The following MYRIP variants were observed in gnomAD, a reference collection of about 807,000 sequenced individuals.
The protein encoded by MYRIP is rab effector MyRIP.
In MYRIP, 49 loss-of-function variants were observed where a neutral mutation model predicts 98.0. That is an observed-to-expected ratio of 0.50 (90% CI 0.40 to 0.63). The LOEUF is 0.63. Ranked by LOEUF, MYRIP falls within the 30% of genes least tolerant of loss-of-function variation. The pLI is 0.00. For synonymous variants in MYRIP, 404 were observed against 409.5 expected (o/e 0.99, Z 0.16); for missense variants, 1,004 against 1,058.2 (o/e 0.95, Z 0.71).
intron 2 of MYRIP, among the ~76,000 whole-genome samples, chr3:40,013,837 A>G (rs551692761): frequency 6.6e-6 from 1 of 152,248 alleles, no homozygotes; most frequent in Non-Finnish European, 1.5e-5. Context: ...CAGCTCAGGC[A>G]TATCTGAGAG....
chr3:39,990,243 C>T (rs1414057142), intron 2 of MYRIP, among the ~76,000 whole-genome samples: 1 of 152,152 alleles, frequency 6.6e-6, no homozygotes, highest in Non-Finnish European at 1.5e-5. Context: ...GGGGAGTGGA[C>T]TCCTCTGCCC....
intron 1 of MYRIP, among the ~76,000 whole-genome samples, chr3:39,828,696 C>T (rs1031486543): frequency 6.6e-6 from 1 of 152,176 alleles, no homozygotes; most frequent in Admixed American, 6.6e-5. Flanking sequence ...ATCCTCATAG[C>T]TTAGCTCCCA....
At chr3:40,246,258 A>C (rs1953200513) in intron 13 of MYRIP, among the ~76,000 whole-genome samples, 1 of 152,048 alleles carries the variant, frequency 6.6e-6, no homozygotes, top group Non-Finnish European at 1.5e-5. Context: ...CACTTTTTCC[A>C]AACAGGATTT....
intron 3 of MYRIP, among the ~76,000 whole-genome samples, chr3:40,076,159 G>T (rs868742994): frequency 1.3e-5 from 2 of 152,296 alleles, no homozygotes; most frequent in Non-Finnish European, 1.5e-5. Context: ...AGCTGTGATT[G>T]CACTATTGCT....
At chr3:40,006,015 T>C (rs1400392535) in intron 2 of MYRIP, among the ~76,000 whole-genome samples, 2 of 152,096 alleles carry the variant, frequency 1.3e-5, no homozygotes, top group Non-Finnish European at 2.9e-5. Flanking sequence ...GAGTTAATAT[T>C]GGTACAAGGA....
chr3:40,072,457 T>C (rs976630762), intron 3 of MYRIP, among the ~76,000 whole-genome samples: 2 of 152,170 alleles, frequency 1.3e-5, no homozygotes, highest in Admixed American at 6.5e-5. Flanking sequence ...TCCAACCACA[T>C]TGGCCTCCTA....
At chr3:40,051,666 G>C (rs1347956758) in intron 3 of MYRIP, among the ~76,000 whole-genome samples, 2 of 152,068 alleles carry the variant, frequency 1.3e-5, no homozygotes, top group Non-Finnish European at 2.9e-5. Flanking sequence ...CAGTGAATGG[G>C]AGAAAAATTA....
At chr3:39,891,341 T>A (rs1943481546) in intron 1 of MYRIP, among the ~76,000 whole-genome samples, 3 of 152,132 alleles carry the variant, frequency 2.0e-5, no homozygotes, top group African/African-American at 7.2e-5. Flanking sequence ...GCTCAGATTT[T>A]TTTTTCTTTT....
At chr3:40,204,911 T>C (rs1212441355) in intron 10 of MYRIP, among the ~76,000 whole-genome samples, 1 of 152,148 alleles carries the variant, frequency 6.6e-6, no homozygotes, top group Non-Finnish European at 1.5e-5. Context: ...CCTGCTCCAA[T>C]AGAAGCCAGC....
chr3:40,022,007 G>C (rs1947010447), intron 2 of MYRIP, among the ~76,000 whole-genome samples: 1 of 152,234 alleles, frequency 6.6e-6, no homozygotes, highest in African/African-American at 2.4e-5. Context: ...AGATGCAAAG[G>C]AAGAATTGAT....
rs541236707 is a variant in MYRIP at position 40,247,314 on chromosome 3, A to G, written c.2262+2707A>G. 1.3e-4 allele frequency among the ~76,000 whole-genome samples: 20 copies of G among 152,290 alleles called. No homozygotes were observed. In the South Asian group the frequency reaches 3.9e-3, roughly 30 times the overall value. ...TTTAAATATTACAATAATGTTATCA[A>G]TAATTCCCAATGTTCTGTGAGCGTT... On this transcript the variant is annotated intron_variant, in intron 13 of 16. Coordinates refer to ENST00000302541, the MANE Select transcript of MYRIP (RefSeq NM_015460.4).
rs148022540 is a variant in MYRIP, at chr3:40,038,450, G to A, written c.111-5600G>A. ...GGACTAATAAACCATGTAGACAACC[G>A]TCAACCTAACTAAAAGCTAGTTATT... On this transcript the variant is annotated intron_variant, in intron 2 of 16. Transcript: ENST00000302541. Among the ~76,000 whole-genome samples the A allele has an allele frequency of 1.0e-3, 159 of 152,146 alleles. 1 individual carries two copies. Among genetic ancestry groups the A allele is most frequent in the African/African-American group, 3.5e-3 (146 of 41,538 alleles).
intron 2 of MYRIP, among the ~76,000 whole-genome samples, chr3:40,035,265 A>G (rs1947353301): frequency 6.6e-6 from 1 of 151,810 alleles, no homozygotes; most frequent in Non-Finnish European, 1.5e-5. Flanking sequence ...AGAAATCAAA[A>G]CCGCAAAACC....
chr3:40,022,610 G>T lies in MYRIP; in HGVS notation c.111-21440G>T, dbSNP rs1411058153. Among the ~76,000 whole-genome samples the T allele has an allele frequency of 4.6e-5, 7 of 152,256 alleles. No individual in the cohort carries two copies. The East Asian group carries it at 1.4e-3, about 29-fold the overall frequency. On this transcript the variant is annotated intron_variant, in intron 2 of 16. Coordinates refer to ENST00000302541, the MANE Select transcript of MYRIP (RefSeq NM_015460.4). ...CTGCTCTGGTCATTGAAGGCAGCTT[G>T]GAATGCTCGTGTGCAATGCAGGTCG...
intron 11 of MYRIP, among the ~76,000 whole-genome samples, chr3:40,210,843 G>A (rs1194747768): frequency 1.3e-5 from 2 of 152,092 alleles, no homozygotes; most frequent in African/African-American, 2.4e-5. Context: ...CATTGTCAGT[G>A]CTCTGCCTGC....
chr3:39,954,073 A>G (rs1575409386), intron 2 of MYRIP, among the ~76,000 whole-genome samples: 2 of 152,082 alleles, frequency 1.3e-5, no homozygotes, highest in Non-Finnish European at 2.9e-5. Flanking sequence ...TATAGACTCC[A>G]CCTCTGGGGC....
intron 3 of MYRIP, among the ~76,000 whole-genome samples, chr3:40,074,138 G>T (rs763082942): frequency 6.6e-6 from 1 of 150,980 alleles, no homozygotes. Context: ...GCAGTGGCGC[G>T]ATCTCGGCTC....
chr3:40,153,656 A>G (rs779408152), intron 4 of MYRIP, among the ~76,000 whole-genome samples: 6 of 152,204 alleles, frequency 3.9e-5, no homozygotes, highest in African/African-American at 1.4e-4. Flanking sequence ...GCTAGAACTC[A>G]GAGTAATTAG....
intron 2 of MYRIP, among the ~76,000 whole-genome samples, chr3:39,913,077 A>G (rs9827484): frequency 0.44 from 67,315 of 152,010 alleles, 15,150 homozygotes; most frequent in East Asian, 0.54. Context: ...TATATAATAC[A>G]TTCTTCAATA....
Sources: gnomAD v4.1 joint callset for allele counts (sites outside exome capture counted in the v4.1 genomes callset) on GRCh38, gnomAD v4.1.1 for gene constraint, MANE v1.5 for transcripts, NCBI Gene and HGNC (gene_info 2026-07-23, HGNC 2026-07-21) for gene names.